The following LARP1B variants were observed in gnomAD, a reference collection of about 807,000 sequenced individuals.
LARP1B encodes la-related protein 1B.
LARP1B carries 76 observed loss-of-function variants against 114.2 expected under a neutral mutation model. The observed-to-expected ratio is 0.67, with a 90% CI of 0.55 to 0.81. LARP1B has a LOEUF of 0.81. LARP1B is among the 30% of genes least tolerant of loss of function. The probability of loss-of-function intolerance (pLI) is 0.00; values close to 1 mark genes in which losing one functional copy is unlikely to be tolerated. For synonymous variants in LARP1B, 345 were observed against 348.0 expected, an observed-to-expected ratio of 0.99 and a Z score of 0.10; for missense variants, 1,014 against 1,075.8, an observed-to-expected ratio of 0.94 and a Z score of 0.80.
At chr4:128,154,691 C>T (rs938184521) in intron 11 of LARP1B, among the ~76,000 whole-genome samples, 3 of 152,168 alleles carry the variant, frequency 2.0e-5, no homozygotes, top group African/African-American at 7.2e-5. Context: ...TGCTCAATCC[C>T]AGAAAAATTA....
intron 10 of LARP1B, among the ~76,000 whole-genome samples, chr4:128,118,178 G>A (rs1157361203): frequency 1.2e-4 from 16 of 133,766 alleles, no homozygotes; most frequent in Non-Finnish European, 4.6e-5. Context: ...CACCCACCTC[G>A]ATCTTTCAAA....
chr4:128,089,248 G>A lies in LARP1B; in HGVS notation c.359-1753G>A, dbSNP rs73848705. Among the ~76,000 whole-genome samples, 1,493 of 152,194 alleles carry A rather than the reference G, an allele frequency of 9.8e-3. 23 individuals carry two copies. Among genetic ancestry groups the A allele is most frequent in the African/African-American group, 0.033 (1,365 of 41,536 alleles). ...TAAGGTTGTAAAACCTTGTCTCTAG[G>A]ATTTGCATATCTTCACATTAATTAG... is the stretch of plus-strand genomic sequence containing the variant. On this transcript the variant is annotated intron_variant, in intron 5 of 19. Transcript: ENST00000326639.
At chr4:128,174,898 C>G (rs552420724) in intron 12 of LARP1B, among the ~76,000 whole-genome samples, 1 of 151,982 alleles carries the variant, frequency 6.6e-6, no homozygotes, top group African/African-American at 2.4e-5. Flanking sequence ...CATCTACTAC[C>G]CAGTATATGT....
chr4:128,164,740 A>C (rs1739989399), intron 12 of LARP1B, among the ~76,000 whole-genome samples: 1 of 152,164 alleles, frequency 6.6e-6, no homozygotes, highest in Admixed American at 6.5e-5. Context: ...CAGGAGGATC[A>C]CTTGAGCCCA....
At chr4:128,209,561 A>G (rs1006369833) in intron 19 of LARP1B, among the ~76,000 whole-genome samples, 2 of 152,156 alleles carry the variant, frequency 1.3e-5, no homozygotes, top group African/African-American at 4.8e-5. Context: ...TTTAGTTAGG[A>G]AGGAAATTTA....
At chr4:128,129,162 C>A (rs1790664919) in intron 11 of LARP1B, among the ~76,000 whole-genome samples, 3 of 47,742 alleles carry the variant, frequency 6.3e-5, no homozygotes, top group South Asian at 2.1e-3. Context: ...GAGACTCTGT[C>A]TCAAAAAAAA....
At chr4:128,109,878 A>T (rs1394240577) in intron 9 of LARP1B, among the ~76,000 whole-genome samples, 1 of 151,762 alleles carries the variant, frequency 6.6e-6, no homozygotes, top group Non-Finnish European at 1.5e-5. Flanking sequence ...GTATATGGTG[A>T]TTTATCTTTG....
At chr4:128,123,186 T>G in intron 11 of LARP1B, 1 of 985,446 alleles carries the variant, frequency 1.0e-6, no homozygotes, top group Non-Finnish European at 1.2e-6. Flanking sequence ...CAGTACTGCT[T>G]TTAGCCTTCT....
intron 11 of LARP1B, among the ~76,000 whole-genome samples, chr4:128,129,163 T>TCAAA (rs1790668166): frequency 3.9e-5 from 1 of 25,716 alleles, no homozygotes; most frequent in Non-Finnish European, 6.1e-5. Context: ...AGACTCTGTC[T>TCAAA]CAAAAAAAAA....
At chr4:128,116,698 A>G (rs1785956348) in intron 10 of LARP1B, among the ~76,000 whole-genome samples, 1 of 152,202 alleles carries the variant, frequency 6.6e-6, no homozygotes, top group Admixed American at 6.5e-5. Context: ...TATTTCAGAG[A>G]TAACTGTTGA....
chr4:128,153,057 A>G (rs1733645375), intron 11 of LARP1B, among the ~76,000 whole-genome samples: 1 of 127,648 alleles, frequency 7.8e-6, no homozygotes, highest in South Asian at 2.3e-4. Flanking sequence ...ACCTTGGCTC[A>G]CTGCAACCTC....
chr4:128,207,221 T>A, intron 18 of LARP1B, 35 bp from the exon 19 acceptor site: 2 of 1,030,456 alleles, frequency 1.9e-6, no homozygotes, highest in Non-Finnish European at 2.6e-6. Flanking sequence ...TAAAATTTCA[T>A]ATAATTCATA....
intron 12 of LARP1B, among the ~76,000 whole-genome samples, chr4:128,172,662 C>A (rs540880586): frequency 1.1e-3 from 165 of 151,890 alleles, no homozygotes; most frequent in Non-Finnish European, 1.9e-3. Flanking sequence ...CACTGCATTC[C>A]AGCCTGGGTG....
At chr4:128,082,119 A>T in intron 4 of LARP1B, 46 bp from the exon 5 acceptor site, 1 of 1,570,840 alleles carries the variant, frequency 6.4e-7, no homozygotes, top group African/African-American at 1.4e-5. Flanking sequence ...GCAAGGGTTT[A>T]GTGAAAATTG....
rs1000630069 is a variant in LARP1B, at chr4:128,122,451, T to TC, written c.1524+263_1524+264insC. 1.5e-5 allele frequency: 22 copies of TC among 1,512,138 alleles called. No individual in the cohort carries two copies. In the African/African-American group the frequency reaches 2.6e-4, roughly 18 times the overall value. The allele number at this position is 1,512,138 out of a possible 1,614,324, so 93.7% of individuals were successfully genotyped here. A position where few individuals can be genotyped will look rare whatever the true frequency, so the allele number is the denominator to read the frequency against. On this transcript the variant is annotated intron_variant, in intron 11 of 19. Transcript: ENST00000326639. Reference sequence around the variant, plus strand: ...ACTTATACCCTTGTTTTTTTTTTTTTTTGTTTTGTTTTTTTTTGTTTTTGT... The same window carrying TC: ...ACTTATACCCTTGTTTTTTTTTTTTTCTTGTTTTGTTTTTTTTTGTTTTTGT...
At chr4:128,181,300 C>T (rs1490804671) in intron 15 of LARP1B, among the ~76,000 whole-genome samples, 6 of 151,710 alleles carry the variant, frequency 4.0e-5, no homozygotes, top group Admixed American at 3.9e-4. Flanking sequence ...GACTCAACCT[C>T]CTGAGTAGCT....
At chr4:128,097,872 AT>A (rs1451066304) in intron 7 of LARP1B, among the ~76,000 whole-genome samples, 1 of 152,310 alleles carries the variant, frequency 6.6e-6, no homozygotes, top group African/African-American at 2.4e-5. Flanking sequence ...TAATTAACTC[AT>A]TAAAAAAAAT....
chr4:128,110,749 T>A (rs1783836964), intron 9 of LARP1B, among the ~76,000 whole-genome samples: 1 of 150,110 alleles, frequency 6.7e-6, no homozygotes, highest in Non-Finnish European at 1.5e-5. Context: ...TTAACACCTT[T>A]ACGAGTCTTA....
intron 12 of LARP1B, among the ~76,000 whole-genome samples, chr4:128,166,930 TTCTCTCTCTCTCTCTCTCTCTC>T (rs56916317): frequency 1.9e-5 from 2 of 103,088 alleles, no homozygotes; most frequent in African/African-American, 3.7e-5. Context: ...TTATATTCTA[TTCTCTCTCTCTCTCTCTCTCTC>T]TCTCTCTCTC....
Sources: allele counts gnomAD v4.1 joint callset (sites outside exome capture counted in the v4.1 genomes callset), GRCh38; gene constraint gnomAD v4.1.1; transcripts MANE v1.5; gene names NCBI Gene and HGNC (gene_info 2026-07-23, HGNC 2026-07-21).